THSD7B: variants seen among roughly 807,000 people sequenced by gnomAD.
THSD7B encodes thrombospondin type 1 domain containing 7B.
THSD7B carries 138 observed loss-of-function variants against 213.6 expected under a neutral mutation model. The observed-to-expected ratio is 0.65, with a 90% CI of 0.56 to 0.74. The LOEUF is 0.74. Ranked by LOEUF, THSD7B falls within the 30% of genes least tolerant of loss-of-function variation. The pLI is 0.00. For missense variants in THSD7B, 1,931 were observed against 1,991.5 expected, an observed-to-expected ratio of 0.97 and a Z score of 0.58; for synonymous variants, 742 against 687.0, an observed-to-expected ratio of 1.08 and a Z score of -1.25.
intron 27 of THSD7B, among the ~76,000 whole-genome samples, 173 bp downstream of exon 27, chr2:137,668,034 TTGAGA>T (rs1294408774): frequency 6.6e-6 from 1 of 152,208 alleles, no homozygotes; most frequent in East Asian, 1.9e-4. Context: ...TTGTTCTTAT[TTGAGA>T]TAACATTTTT....
rs146363321 is a variant in THSD7B at position 137,434,965 on chromosome 2, C to T, written c.2960-15880C>T. The stretch of plus-strand genomic sequence containing the variant: ...TATAGTTCATTGCCTAAAAAACTTA[C>T]GGTAGTCTTCAGTACTATTACATTG... On this transcript the variant is annotated intron_variant, in intron 14 of 27. Coordinates refer to ENST00000409968, the MANE Select transcript of THSD7B (RefSeq NM_001316349.2). Among the ~76,000 whole-genome samples, 540 of 152,270 alleles carry T rather than the reference C, an allele frequency of 3.5e-3. 2 individuals are homozygous for T. Among genetic ancestry groups the T allele is most frequent in the African/African-American group, 0.012 (488 of 41,566 alleles).
At chr2:137,511,822 G>A (rs1679966432) in intron 15 of THSD7B, among the ~76,000 whole-genome samples, 1 of 152,106 alleles carries the variant, frequency 6.6e-6, no homozygotes, top group Non-Finnish European at 1.5e-5. Context: ...AGGATGTATG[G>A]AGAGTTTATT....
chr2:136,786,390 T>G (rs1347152712), intron 1 of THSD7B, among the ~76,000 whole-genome samples: 2 of 152,154 alleles, frequency 1.3e-5, no homozygotes, highest in Admixed American at 1.3e-4. Flanking sequence ...GAGGACCATG[T>G]ATTGTTTCTG....
At position 136,863,927 on chromosome 2, in the gene THSD7B, C is replaced by G. The variant is rs555755160; in HGVS notation, c.-35-18217C>G. On this transcript the variant is annotated intron_variant, in intron 1 of 27. Coordinates refer to ENST00000409968, the MANE Select transcript of THSD7B (RefSeq NM_001316349.2). ...TTACAGGACCGTGAAACCCAAGGGT[C>G]TGCTTCCTGCTTGGCTCCAGGCATT... Among the ~76,000 whole-genome samples the G allele has an allele frequency of 1.4e-4, 21 of 152,266 alleles. No homozygotes were observed. In the East Asian group the frequency reaches 3.5e-3, roughly 25 times the overall value.
intron 12 of THSD7B, among the ~76,000 whole-genome samples, chr2:137,397,347 T>TA (rs1213996638): frequency 6.6e-6 from 1 of 152,138 alleles, no homozygotes; most frequent in East Asian, 1.9e-4. Flanking sequence ...GGAGCTCTTT[T>TA]AGGGCAGGCC....
chr2:137,579,104 G>GAGCTCATAT (rs1681522878), intron 17 of THSD7B, among the ~76,000 whole-genome samples: 1 of 152,178 alleles, frequency 6.6e-6, no homozygotes, highest in Non-Finnish European at 1.5e-5. Flanking sequence ...ATTCTAGAGG[G>GAGCTCATAT]TCTCAGTACC....
intron 12 of THSD7B, among the ~76,000 whole-genome samples, chr2:137,390,094 T>C (rs956179571): frequency 6.6e-6 from 1 of 152,174 alleles, no homozygotes; most frequent in Non-Finnish European, 1.5e-5. Flanking sequence ...AAAAACGACA[T>C]TGGTATTTTG....
intron 10 of THSD7B, among the ~76,000 whole-genome samples, chr2:137,272,243 G>T (rs1265309179): frequency 6.6e-6 from 1 of 152,016 alleles, no homozygotes; most frequent in African/African-American, 2.4e-5. Context: ...GGGCCCCTTC[G>T]ATCATGCCAT....
rs925515002 is a variant in THSD7B, at chr2:136,798,623, G to C, written c.-36+32936G>C. 2.0e-5 allele frequency among the ~76,000 whole-genome samples: 3 copies of C among 151,956 alleles called. No individual in the cohort carries two copies. In the South Asian group the frequency reaches 6.2e-4, roughly 32 times the overall value. On this transcript the variant is annotated intron_variant, in intron 1 of 27. Transcript: ENST00000409968. ...AGAGGTGGTACTGTCTCAGGTCAGG[G>C]ACCACTGACCTGATATCAACACTGC...
intron 7 of THSD7B, among the ~76,000 whole-genome samples, chr2:137,209,073 A>G (rs1190522012): frequency 6.6e-6 from 1 of 152,078 alleles, no homozygotes; most frequent in Non-Finnish European, 1.5e-5. Flanking sequence ...AGGTTAAACT[A>G]TAAACTAAAT....
intron 12 of THSD7B, among the ~76,000 whole-genome samples, chr2:137,315,102 C>A (rs1468694345): frequency 6.6e-6 from 1 of 152,196 alleles, no homozygotes; most frequent in African/African-American, 2.4e-5. Context: ...GCCCCTCCCC[C>A]AGCCTCGCTG....
intron 1 of THSD7B, among the ~76,000 whole-genome samples, chr2:136,837,976 G>T (rs564284666): frequency 6.6e-6 from 1 of 152,132 alleles, no homozygotes; most frequent in Non-Finnish European, 1.5e-5. Flanking sequence ...TACTAACTTT[G>T]TGATTTTTGG....
At chr2:137,084,063 A>G (rs576861289) in intron 3 of THSD7B, among the ~76,000 whole-genome samples, 6 of 151,242 alleles carry the variant, frequency 4.0e-5, no homozygotes, top group Admixed American at 1.3e-4. Flanking sequence ...CTCTTATGTT[A>G]TTAGTTACTT....
chr2:137,536,672 G>T (rs1449479542), intron 15 of THSD7B, among the ~76,000 whole-genome samples: 1 of 149,552 alleles, frequency 6.7e-6, no homozygotes, highest in Non-Finnish European at 1.5e-5. Context: ...ATAATAACAA[G>T]ATTTAAAAAA....
At chr2:137,398,578 A>G (rs1686261277) in intron 12 of THSD7B, among the ~76,000 whole-genome samples, 1 of 151,790 alleles carries the variant, frequency 6.6e-6, no homozygotes, top group Non-Finnish European at 1.5e-5. Flanking sequence ...GCTGTCAGAC[A>G]GGGACATTTA....
At chr2:136,819,319 A>T (rs1682533297) in intron 1 of THSD7B, among the ~76,000 whole-genome samples, 1 of 152,056 alleles carries the variant, frequency 6.6e-6, no homozygotes, top group Admixed American at 6.5e-5. Flanking sequence ...TCCTTTCTTT[A>T]CAATTAGGAC....
rs181915454 is a variant in THSD7B, at chr2:137,511,653, C to T, written c.3139-51568C>T. Reference sequence around the variant, plus strand: ...CCTCTTACTTACTGGGTTAGGCTTACTGGCCCCATGCAGTAAGGCTTCCAT... The same window carrying T: ...CCTCTTACTTACTGGGTTAGGCTTATTGGCCCCATGCAGTAAGGCTTCCAT... On this transcript the variant is annotated intron_variant, in intron 15 of 27. Coordinates refer to ENST00000409968, the MANE Select transcript of THSD7B (RefSeq NM_001316349.2). Among the ~76,000 whole-genome samples, 11 of 152,256 alleles carry T rather than the reference C, an allele frequency of 7.2e-5. No homozygotes were observed. The South Asian group carries it at 1.0e-3, about 14-fold the overall frequency.
chr2:136,806,232 A>G (rs887427313), intron 1 of THSD7B, among the ~76,000 whole-genome samples: 1 of 152,180 alleles, frequency 6.6e-6, no homozygotes, highest in African/African-American at 2.4e-5. Context: ...TTTAGGAATT[A>G]TATCCTGGGA....
intron 7 of THSD7B, among the ~76,000 whole-genome samples, chr2:137,177,929 G>A (rs1435957604): frequency 6.6e-6 from 1 of 151,886 alleles, no homozygotes. Flanking sequence ...AAATTAGCTG[G>A]GCATGGCGGC....
Sources: allele counts gnomAD v4.1 joint callset (sites outside exome capture counted in the v4.1 genomes callset), GRCh38; gene constraint gnomAD v4.1.1; transcripts MANE v1.5; gene names NCBI Gene and HGNC (gene_info 2026-07-23, HGNC 2026-07-21).